The following SHANK2 variants were observed in gnomAD, a reference collection of about 807,000 sequenced individuals.
SHANK2 encodes the protein SH3 and multiple ankyrin repeat domains 2, also known as SH3 and multiple ankyrin repeat domains protein 2.
SHANK2 carries 43 observed loss-of-function variants against 133.7 expected under a neutral mutation model. That is an observed-to-expected ratio of 0.32 (90% confidence interval 0.25 to 0.41). The LOEUF is 0.41. SHANK2 is among the 10% of genes least tolerant of loss of function. The pLI is 1.00. For synonymous variants in SHANK2, 1,017 were observed against 952.8 expected, an observed-to-expected ratio of 1.07 and a Z score of -1.24; for missense variants, 1,994 against 2,235.8, an observed-to-expected ratio of 0.89 and a Z score of 2.18.
At chr11:70,691,359 C>T (rs1005365801) in intron 15 of SHANK2, among the ~76,000 whole-genome samples, 7 of 152,076 alleles carry the variant, frequency 4.6e-5, no homozygotes, top group Admixed American at 2.6e-4. Flanking sequence ...TCAGGTCCCC[C>T]GTTTAGGCAC....
At chr11:70,649,198 G>A (rs527388754) in intron 17 of SHANK2, among the ~76,000 whole-genome samples, 122 of 152,282 alleles carry the variant, frequency 8.0e-4, no homozygotes, top group African/African-American at 1.9e-3. Context: ...ACATGCCCAG[G>A]ACCGTCCCTG....
intron 17 of SHANK2, among the ~76,000 whole-genome samples, chr11:70,657,557 T>C (rs190816414): frequency 1.3e-5 from 2 of 152,150 alleles, no homozygotes; most frequent in Non-Finnish European, 2.9e-5. Context: ...CGTGCAAGGG[T>C]CCAGCTGCCT....
At chr11:70,722,325 C>T (rs116416951) in intron 14 of SHANK2, among the ~76,000 whole-genome samples, 321 of 152,354 alleles carry the variant, frequency 2.1e-3, no homozygotes, top group African/African-American at 7.2e-3. Flanking sequence ...ATGCTCCTCA[C>T]GCTCTCAGCA....
intron 17 of SHANK2, among the ~76,000 whole-genome samples, chr11:70,529,265 CCAGCAGCCCTGT>C (rs1232449155): frequency 1.3e-5 from 2 of 152,224 alleles, no homozygotes; most frequent in Non-Finnish European, 2.9e-5. Flanking sequence ...CCCAGTCCTC[CCAGCAGCCCTGT>C]CAGCAGCCAC....
intron 15 of SHANK2, among the ~76,000 whole-genome samples, chr11:70,679,060 C>G (rs1944969490): frequency 6.6e-6 from 1 of 152,148 alleles, no homozygotes; most frequent in South Asian, 2.1e-4. Context: ...AAGAAGACAC[C>G]AGGCCCGTAA....
At chr11:70,797,311 C>T (rs1393913925) in intron 14 of SHANK2, among the ~76,000 whole-genome samples, 1 of 152,232 alleles carries the variant, frequency 6.6e-6, no homozygotes, top group African/African-American at 2.4e-5. Context: ...CCGAGTGGAG[C>T]ACATTCCCAG....
intron 17 of SHANK2, among the ~76,000 whole-genome samples, chr11:70,575,180 G>T (rs528967659): frequency 2.0e-5 from 3 of 152,164 alleles, no homozygotes; most frequent in Non-Finnish European, 2.9e-5. Context: ...CCACCCAGGC[G>T]GGCAGCAGAG....
intron 23 of SHANK2, 36 bp downstream of exon 23, chr11:70,490,240 G>C (rs1319517944): frequency 6.4e-7 from 1 of 1,560,582 alleles, no homozygotes; most frequent in Non-Finnish European, 8.8e-7. Context: ...TGAAAGCCCA[G>C]GGGCAACTTC....
intron 10 of SHANK2, among the ~76,000 whole-genome samples, chr11:70,919,924 G>A (rs552940948): frequency 6.6e-6 from 1 of 152,242 alleles, no homozygotes; most frequent in South Asian, 2.1e-4. Flanking sequence ...TCAATCAAGA[G>A]CAACCAACCC....
At chr11:71,218,491 G>A (rs1225349005) in intron 2 of SHANK2, among the ~76,000 whole-genome samples, 6 of 152,004 alleles carry the variant, frequency 3.9e-5, no homozygotes, top group African/African-American at 9.7e-5. Flanking sequence ...TCAAACTCCC[G>A]ACATCAGGTG....
chr11:70,498,446 G>C (rs1451139841), intron 21 of SHANK2, among the ~76,000 whole-genome samples: 1 of 152,234 alleles, frequency 6.6e-6, no homozygotes, highest in East Asian at 1.9e-4. Flanking sequence ...CCAAGGGCTA[G>C]AGTCTGAAGG....
chr11:70,492,303 C>G (rs542217871), intron 22 of SHANK2, 32 bp downstream of exon 22: 2 of 1,605,336 alleles, frequency 1.2e-6, no homozygotes, highest in Admixed American at 3.3e-5. Flanking sequence ...CGTCGGCCCC[C>G]GCCCTCGTGG....
chr11:70,567,544 T>C (rs2059983307), intron 17 of SHANK2, among the ~76,000 whole-genome samples: 1 of 151,982 alleles, frequency 6.6e-6, no homozygotes, highest in Admixed American at 6.6e-5. Context: ...GGAGAATTGC[T>C]TGAACCCAGG....
intron 11 of SHANK2, among the ~76,000 whole-genome samples, chr11:70,827,845 G>C (rs1446653690): frequency 6.6e-6 from 1 of 152,040 alleles, no homozygotes; most frequent in African/African-American, 2.4e-5. Flanking sequence ...AAGAAGGCTG[G>C]GGGCCCCCCA....
At chr11:71,135,451 A>G (rs1414556199) in intron 3 of SHANK2, among the ~76,000 whole-genome samples, 1 of 151,598 alleles carries the variant, frequency 6.6e-6, no homozygotes, top group Non-Finnish European at 1.5e-5. Flanking sequence ...GCACACTTCC[A>G]ATAGGTGTGT....
chr11:71,065,544 G>A (rs1449104440), intron 9 of SHANK2, among the ~76,000 whole-genome samples: 1 of 142,034 alleles, frequency 7.0e-6, no homozygotes, highest in East Asian at 2.2e-4. Flanking sequence ...AGGGAGATGA[G>A]CAGTGAGTGG....
chr11:70,707,431 A>G (rs541726994), intron 14 of SHANK2, among the ~76,000 whole-genome samples: 7 of 150,308 alleles, frequency 4.7e-5, no homozygotes, highest in Admixed American at 1.3e-4. Context: ...AGGTGAGGAC[A>G]GGGTCCTGTG....
At chr11:70,854,229 T>G (rs1949134107) in intron 11 of SHANK2, among the ~76,000 whole-genome samples, 1 of 152,234 alleles carries the variant, frequency 6.6e-6, no homozygotes, top group Non-Finnish European at 1.5e-5. Context: ...AGTATATTTT[T>G]GATTAAGAAA....
rs782567869 is a variant in SHANK2, at chr11:70,473,105, G to A, written c.5314C>T (p.Pro1772Ser). ...GTTGTAAAAGGCTTATTTGAGATTG[G>A]CTGTTGCAGTATCGAGGGGGATGGC... ...RSPSPSILQQ[P>S]ISNKPFTTKP... Residue 1772 changes from proline (P) to serine (S), a missense_variant, in exon 26 of 26, where the codon CCA becomes TCA. Physicochemically the swap from Pro to Ser is moderately conservative, Grantham distance 74. This residue lies in a region of SHANK2 where 797 missense variants were observed against 907.4 expected (regional missense o/e 0.88). Coordinates refer to ENST00000601538, the MANE Select transcript of SHANK2 (RefSeq NM_012309.5). The surrounding 1 kb of genome is among the most constrained non-coding windows in gnomAD (Gnocchi z 5.9). 3.1e-6 allele frequency: 5 copies of A among 1,614,260 alleles called. No individual in the cohort carries two copies. The East Asian group carries it at 8.9e-5, about 29-fold the overall frequency.
Sources: gnomAD v4.1 joint callset for allele counts (sites outside exome capture counted in the v4.1 genomes callset) on GRCh38, gnomAD v4.1.1 for gene constraint, gnomAD v4.1.1 regional missense constraint, Gnocchi (gnomAD v3.1) non-coding constraint, MANE v1.5 for transcripts, NCBI Gene and HGNC (gene_info 2026-07-23, HGNC 2026-07-21) for gene names.